Variants in ANO1 observed in about 807,000 individuals in gnomAD.
The protein encoded by ANO1 is anoctamin-1.
ANO1 carries 59 observed loss-of-function variants against 124.0 expected under a neutral mutation model. That is an observed-to-expected ratio of 0.48 (90% CI 0.39 to 0.59). ANO1 has a LOEUF of 0.59. Among genes scored for constraint, ANO1 ranks in the 20% least tolerant of loss-of-function variants. The probability of loss-of-function intolerance (pLI) is 0.00; values close to 1 mark genes in which losing one functional copy is unlikely to be tolerated. For synonymous variants in ANO1, 529 were observed against 532.0 expected, an observed-to-expected ratio of 0.99 and a Z score of 0.08; for missense variants, 1,059 against 1,328.0, an observed-to-expected ratio of 0.80 and a Z score of 3.15.
chr11:70,145,663 G>A (rs577451361), intron 11 of ANO1, among the ~76,000 whole-genome samples: 1 of 152,194 alleles, frequency 6.6e-6, no homozygotes, highest in East Asian at 1.9e-4. Context: ...AATGCCAGGT[G>A]CAGTGGCTCA....
At chr11:70,083,324 T>C (rs932882183) in intron 1 of ANO1, among the ~76,000 whole-genome samples, 7 of 152,050 alleles carry the variant, frequency 4.6e-5, no homozygotes, top group African/African-American at 9.7e-5. Context: ...CTTAGGGATA[T>C]GGAGAGACAA....
intron 1 of ANO1, chr11:70,085,591 A>G: frequency 1.3e-6 from 2 of 1,535,784 alleles, no homozygotes; most frequent in Non-Finnish European, 1.7e-6. Context: ...AGAGAGGCCA[A>G]GGTGCCAGGG....
chr11:70,168,751 G>T (rs1267097915), intron 21 of ANO1, among the ~76,000 whole-genome samples: 1 of 152,100 alleles, frequency 6.6e-6, no homozygotes, highest in East Asian at 1.9e-4. Flanking sequence ...TTTTTAAAAA[G>T]GGCCTGGGGG....
chr11:70,113,666 G>T (rs1174275643), intron 7 of ANO1, among the ~76,000 whole-genome samples: 1 of 152,116 alleles, frequency 6.6e-6, no homozygotes, highest in Non-Finnish European at 1.5e-5. Flanking sequence ...GAGAGGCTGA[G>T]GCACCGAAGC....
the ANO1 span, among the ~76,000 whole-genome samples, chr11:69,968,311 C>T: frequency 3.3e-5 from 5 of 152,104 alleles, no homozygotes; most frequent in Non-Finnish European, 7.4e-5. Flanking sequence ...CCCCTTGGGC[C>T]AAAGCAGGAA....
chr11:70,080,809 A>T (rs1237910799), intron 1 of ANO1, among the ~76,000 whole-genome samples: 1 of 152,178 alleles, frequency 6.6e-6, no homozygotes, highest in East Asian at 1.9e-4. Flanking sequence ...AGACCCTGGG[A>T]GCAGCATCTG....
At chr11:70,058,316 CAT>C (rs1555007202) in intron 1 of ANO1, among the ~76,000 whole-genome samples, 1 of 152,120 alleles carries the variant, frequency 6.6e-6, no homozygotes, top group Non-Finnish European at 1.5e-5. Flanking sequence ...TTTATGTTGT[CAT>C]ATACTAGGCC....
Position 70,065,640 on chromosome 11 carries a change from C to T in ANO1, c.59-12902C>T, listed in dbSNP as rs897557983. Among the ~76,000 whole-genome samples the T allele has an allele frequency of 2.6e-5, 4 of 152,158 alleles. No homozygotes were observed. In the Middle Eastern group the frequency reaches 0.01, roughly 388 times the overall value. On this transcript the variant is annotated intron_variant, in intron 1 of 27. Transcript: ENST00000531349. ...TCTGCCCTTGTCCCCCGTCGTCCCC[C>T]TAGTTGGCCTGGCCCTCCCAACCTC...
At chr11:70,125,610 C>G (rs1389490372) in intron 9 of ANO1, among the ~76,000 whole-genome samples, 2 of 151,472 alleles carry the variant, frequency 1.3e-5, no homozygotes, top group African/African-American at 4.8e-5. Context: ...TTTGGGAGGC[C>G]GAAGGGGGCG....
chr11:70,087,846 A>G lies in ANO1; in HGVS notation c.203A>G (p.Tyr68Cys). The change falls in exon 2 of 26, where the codon TAC becomes TGC. Residue 68 changes from tyrosine (Y) to cysteine (C), a missense_variant. This residue lies in a region of ANO1 where 250 missense variants were observed against 233.1 expected (regional missense o/e 1.07). Transcript: ENST00000355303. ...GRRKVDYILVYHHKRPSGNRT... is the reference protein window; with the variant it reads ...GRRKVDYILVCHHKRPSGNRT... ...CGCAAGGTGGACTACATCCTGGTGT[A>G]CCATCACAAGAGGCCCTCGGGCAAC... The G allele has an allele frequency of 1.9e-6, 3 of 1,613,000 alleles. No homozygotes were observed. Among genetic ancestry groups the G allele is most frequent in the South Asian group, 1.1e-5 (1 of 90,956 alleles).
intron 1 of ANO1, among the ~76,000 whole-genome samples, chr11:70,045,613 T>A (rs1857247575): frequency 6.6e-6 from 1 of 152,150 alleles, no homozygotes; most frequent in Admixed American, 6.5e-5. Context: ...TGTCTGGATG[T>A]GAGGCTGGAC....
chr11:70,136,394 G>A (rs945083736), intron 11 of ANO1, among the ~76,000 whole-genome samples: 6 of 152,180 alleles, frequency 3.9e-5, no homozygotes, highest in African/African-American at 1.4e-4. Context: ...CTCGTCTTAG[G>A]TGCCCATGAC....
chr11:70,162,923 C>T (rs1000060195), intron 18 of ANO1, among the ~76,000 whole-genome samples: 5 of 152,390 alleles, frequency 3.3e-5, no homozygotes, highest in East Asian at 3.9e-4. Flanking sequence ...TGGACCCCAC[C>T]GTGCCAGCGG....
intron 19 of ANO1, among the ~76,000 whole-genome samples, chr11:70,163,811 GCCTGTAATCC>G (rs1306505500): frequency 3.3e-5 from 5 of 152,006 alleles, no homozygotes; most frequent in Admixed American, 3.3e-4. Context: ...GGTGGTGCAT[GCCTGTAATCC>G]CACCTACTCG....
intron 6 of ANO1, 86 bp downstream of exon 6, chr11:70,108,490 C>T: frequency 1.4e-6 from 2 of 1,463,468 alleles, no homozygotes; most frequent in Non-Finnish European, 1.9e-6. Context: ...AGGCAGGCAG[C>T]CGGCTTGGGG....
At chr11:70,070,201 A>G (rs546271631) in intron 1 of ANO1, among the ~76,000 whole-genome samples, 1 of 152,088 alleles carries the variant, frequency 6.6e-6, no homozygotes, top group South Asian at 2.1e-4. Context: ...GGCTCACGTC[A>G]TTTTCAGCAT....
chr11:70,107,032 G>T (rs2045575258), intron 5 of ANO1, among the ~76,000 whole-genome samples: 1 of 152,196 alleles, frequency 6.6e-6, no homozygotes, highest in Non-Finnish European at 1.5e-5. Flanking sequence ...GTAAATGACT[G>T]GTGGATGAGG....
At chr11:70,160,101 C>G (rs1284208133) in intron 16 of ANO1, among the ~76,000 whole-genome samples, 2 of 152,118 alleles carry the variant, frequency 1.3e-5, no homozygotes, top group African/African-American at 4.8e-5. Flanking sequence ...CCCCAGGCCT[C>G]CTGGGCCTGC....
chr11:70,006,663 C>CTTTCTTTTTTTTT (rs1856495151), intron 1 of ANO1, among the ~76,000 whole-genome samples: 2 of 88,996 alleles, frequency 2.2e-5, no homozygotes, highest in East Asian at 3.9e-4. Context: ...TTTCTTCTTT[C>CTTTCTTTTTTTTT]TTTTTTTTTT....
Sources: gnomAD v4.1 joint callset for allele counts (sites outside exome capture counted in the v4.1 genomes callset) on GRCh38, gnomAD v4.1.1 for gene constraint, gnomAD v4.1.1 regional missense constraint, MANE v1.5 for transcripts, NCBI Gene and HGNC (gene_info 2026-07-23, HGNC 2026-07-21) for gene names.